Variants in ZRANB3 observed in about 807,000 individuals in gnomAD.
ZRANB3 encodes the protein zinc finger RANBP2-type containing 3, also known as DNA annealing helicase and endonuclease ZRANB3.
ZRANB3 carries 125 observed loss-of-function variants against 133.8 expected under a neutral mutation model. That is an observed-to-expected ratio of 0.93 (90% CI 0.81 to 1.08). The LOEUF (loss-of-function observed/expected upper bound fraction) is 1.08, where lower values mean the gene tolerates loss of function less well. Among genes scored for constraint, ZRANB3 ranks in the 50% least tolerant of loss-of-function variants. ZRANB3 has a pLI of 0.00. For missense variants in ZRANB3, 1,229 were observed against 1,275.5 expected (o/e 0.96, Z 0.56); for synonymous variants, 387 against 432.7 (o/e 0.89, Z 1.31).
At chr2:135,500,884 A>AC (rs1692911888) in intron 2 of ZRANB3, among the ~76,000 whole-genome samples, 1 of 152,090 alleles carries the variant, frequency 6.6e-6, no homozygotes, top group South Asian at 2.1e-4. Context: ...AGACAGAGAA[A>AC]ATATAAGAGA....
In ZRANB3 at chr2:135,227,923, C is replaced by T. The variant is rs1264462310; in HGVS notation, c.2047G>A (p.Asp683Asn). The change falls in exon 14 of 21, where the codon GAC (aspartate) becomes AAC (asparagine). Residue 683 changes from aspartate (D) to asparagine (N), a missense_variant. By Grantham distance (23) the Asp-to-Asn change is conservative. Transcript: ENST00000264159. The part of the protein sequence containing the change: ...DTSKKVQTIS[D>N]CEKQALAQSE... Reference sequence around the variant, plus strand: ...TGTGCAAGGGCTTGTTTTTCACAGTCTGAGATAGTTTGAACCTTTTTGGAG... The same window carrying T: ...TGTGCAAGGGCTTGTTTTTCACAGTTTGAGATAGTTTGAACCTTTTTGGAG... 6.4e-7 allele frequency: 1 copy of T among 1,556,614 alleles called. No individual in the cohort carries two copies. The highest frequency in any genetic ancestry group is 1.9e-5 in the Admixed American group (1 of 51,330).
intron 15 of ZRANB3, 45 bp from the exon 16 acceptor site, chr2:135,219,223 G>C: frequency 8.4e-7 from 1 of 1,196,726 alleles, no homozygotes; most frequent in Non-Finnish European, 1.1e-6. Flanking sequence ...TTTTGTATAG[G>C]CACTAGTAAC....
chr2:135,253,497 G>A (rs186782662), intron 12 of ZRANB3, among the ~76,000 whole-genome samples: 42 of 152,124 alleles, frequency 2.8e-4, no homozygotes. Context: ...GTATCTTTAG[G>A]TGATTTTGCA....
intron 2 of ZRANB3, among the ~76,000 whole-genome samples, chr2:135,404,054 T>A (rs1388047606): frequency 6.6e-6 from 1 of 152,078 alleles, no homozygotes; most frequent in East Asian, 1.9e-4. Context: ...CCTCTCCTCC[T>A]CCAAAGGAAC....
intron 2 of ZRANB3, among the ~76,000 whole-genome samples, chr2:135,446,410 G>T (rs536679620): frequency 6.6e-6 from 1 of 152,228 alleles, no homozygotes; most frequent in Non-Finnish European, 1.5e-5. Flanking sequence ...TAAGATGCAG[G>T]AGGAGGTGTT....
rs572854469 is a variant in ZRANB3 at position 135,402,274 on chromosome 2, G to A, written c.162-11454C>T. 2.4e-4 allele frequency among the ~76,000 whole-genome samples: 36 copies of A among 150,680 alleles called. No homozygotes were observed. In the South Asian group the frequency reaches 5.9e-3, roughly 25 times the overall value. ...AATGTAAACTTTATTGCATATACAC[G>A]TGTTAGTTCATTCTTTCTCTCTTTT... On this transcript the variant is annotated intron_variant, in intron 2 of 20. Transcript: ENST00000264159.
chr2:135,298,380 A>T (rs1303858556), intron 8 of ZRANB3, among the ~76,000 whole-genome samples: 3 of 151,960 alleles, frequency 2.0e-5, no homozygotes, highest in Admixed American at 6.5e-5. Context: ...TCTTTTGGGG[A>T]TGTTAAAGAA....
intron 3 of ZRANB3, chr2:135,355,150 T>G: frequency 1.2e-6 from 1 of 822,382 alleles, no homozygotes; most frequent in Non-Finnish European, 1.5e-6. Context: ...ATTATTTTGT[T>G]TATGTATTTT....
intron 8 of ZRANB3, among the ~76,000 whole-genome samples, chr2:135,308,981 A>ATTT (rs68010822): frequency 3.7e-5 from 5 of 135,642 alleles, no homozygotes; most frequent in African/African-American, 1.4e-4. Context: ...TAATAACATC[A>ATTT]TTTTTTTTTT....
rs571847472 is a variant in ZRANB3, at chr2:135,493,965, G to C, written c.161+10364C>G. 3.9e-5 allele frequency among the ~76,000 whole-genome samples: 6 copies of C among 152,246 alleles called. 1 individual carries two copies. Among genetic ancestry groups the C allele is most frequent in the South Asian group, 4.1e-4 (2 of 4,820 alleles). On this transcript the variant is annotated intron_variant, in intron 2 of 20. Transcript: ENST00000264159. The stretch of plus-strand genomic sequence containing the variant: ...TGCTAAAACATTATATTGAGTGAGA[G>C]AAGATCCACATAAACTGCATGATTC...
intron 3 of ZRANB3, among the ~76,000 whole-genome samples, chr2:135,363,268 A>G (rs1035240385): frequency 2.0e-5 from 3 of 152,172 alleles, no homozygotes; most frequent in Non-Finnish European, 4.4e-5. Context: ...TCCTGGCTCA[A>G]GTGATCTTCC....
At chr2:135,483,113 A>T (rs563761750) in intron 2 of ZRANB3, among the ~76,000 whole-genome samples, 3 of 152,232 alleles carry the variant, frequency 2.0e-5, no homozygotes, top group Admixed American at 6.5e-5. Context: ...CTTTGGTATC[A>T]GAATGATGCT....
chr2:135,343,068 T>C (rs1460474846), intron 6 of ZRANB3, among the ~76,000 whole-genome samples: 1 of 140,402 alleles, frequency 7.1e-6, no homozygotes, highest in East Asian at 2.0e-4. Flanking sequence ...ACGGCTGTAG[T>C]CCCAGCTACT....
chr2:135,376,233 C>T (rs972203492), intron 3 of ZRANB3, among the ~76,000 whole-genome samples: 5 of 152,200 alleles, frequency 3.3e-5, no homozygotes, highest in Non-Finnish European at 4.4e-5. Context: ...CTATTTCAGA[C>T]TTCTAGCCTC....
At chr2:135,457,092 C>T (rs951705599) in intron 2 of ZRANB3, among the ~76,000 whole-genome samples, 1 of 152,162 alleles carries the variant, frequency 6.6e-6, no homozygotes, top group Non-Finnish European at 1.5e-5. Flanking sequence ...CCTCTTGTGT[C>T]TGGCTTCCTT....
rs542127154 is a variant in ZRANB3, at chr2:135,304,979, T to C, written c.966+8510A>G. Reference sequence around the variant, plus strand: ...TTCAAAACAATCAGTTTCAAGTTTCTTTTTTTTTGTTTTTTGAGATGGGGT... The same window carrying C: ...TTCAAAACAATCAGTTTCAAGTTTCCTTTTTTTTGTTTTTTGAGATGGGGT... On this transcript the variant is annotated intron_variant, in intron 8 of 20. Transcript: ENST00000264159. Among the ~76,000 whole-genome samples the C allele has an allele frequency of 3.3e-4, 50 of 151,318 alleles. No individual in the cohort carries two copies. The South Asian group carries it at 0.01, about 31-fold the overall frequency.
At chr2:135,461,611 C>T (rs1275012921) in intron 2 of ZRANB3, among the ~76,000 whole-genome samples, 1 of 152,054 alleles carries the variant, frequency 6.6e-6, no homozygotes, top group Non-Finnish European at 1.5e-5. Context: ...GTTCACAAAG[C>T]AGGTCTTTTG....
At position 135,345,627 on chromosome 2, in the gene ZRANB3, C is replaced by A. The variant is rs1390426055; in HGVS notation, c.600G>T (p.Met200Ile). ...PALGRPEELF[M>I]QIEALFPQKF... ...TTTGTGGAAAGAGAGCTTCAATCTG[C>A]ATAAAAAGCTATAATAATACAAGTG... Residue 200 changes from methionine (M) to isoleucine (I), a missense_variant, in exon 6 of 21, where the codon ATG becomes ATT. Transcript: ENST00000264159. 16 of 1,606,780 alleles carry A rather than the reference C, an allele frequency of 1.0e-5. No homozygotes were observed. Among genetic ancestry groups the A allele is most frequent in the Non-Finnish European group, 1.4e-5 (16 of 1,175,284 alleles).
chr2:135,455,122 C>T (rs1472086758), intron 2 of ZRANB3, among the ~76,000 whole-genome samples: 1 of 146,518 alleles, frequency 6.8e-6, no homozygotes, highest in African/African-American at 2.5e-5. Context: ...CCTGCTCAAA[C>T]TCTTTCAGTG....
Sources: allele counts gnomAD v4.1 joint callset (sites outside exome capture counted in the v4.1 genomes callset), GRCh38; gene constraint gnomAD v4.1.1; transcripts MANE v1.5; gene names NCBI Gene and HGNC (gene_info 2026-07-23, HGNC 2026-07-21).